The following ZRANB3 variants were observed in gnomAD, a reference collection of about 807,000 sequenced individuals.
ZRANB3 encodes the protein zinc finger RANBP2-type containing 3.
ZRANB3 carries 125 observed loss-of-function variants against 133.8 expected under a neutral mutation model. That is an observed-to-expected ratio of 0.93 (90% CI 0.81 to 1.08). The LOEUF is 1.08. Ranked by LOEUF, ZRANB3 falls within the 50% of genes least tolerant of loss-of-function variation. The pLI is 0.00. For synonymous variants in ZRANB3, 387 were observed against 432.7 expected (o/e 0.89, Z 1.31); for missense variants, 1,229 against 1,275.5 (o/e 0.96, Z 0.56).
chr2:135,380,694 G>A (rs1027054359), intron 3 of ZRANB3, among the ~76,000 whole-genome samples: 8 of 152,136 alleles, frequency 5.3e-5, no homozygotes, highest in African/African-American at 1.9e-4. Flanking sequence ...AGTACTAAAT[G>A]CCCTTAAGAG....
chr2:135,360,500 T>C (rs935612333), intron 3 of ZRANB3, among the ~76,000 whole-genome samples: 8 of 151,960 alleles, frequency 5.3e-5, no homozygotes, highest in Admixed American at 3.9e-4. Context: ...GGTCAGGAGA[T>C]CGAGACCATC....
intron 1 of ZRANB3, chr2:135,511,318 C>G (rs1559046940): frequency 1.1e-6 from 1 of 884,616 alleles, no homozygotes; most frequent in African/African-American, 1.6e-5. Context: ...TCTTGGATTT[C>G]AGATACACAT....
At chr2:135,407,846 C>T (rs559770198) in intron 2 of ZRANB3, among the ~76,000 whole-genome samples, 2,176 of 104,930 alleles carry the variant, frequency 0.021, 176 homozygotes, top group African/African-American at 0.086. Flanking sequence ...AGACTTACCA[C>T]GTTAGACCTA....
chr2:135,209,659 G>C (rs553228722), intron 17 of ZRANB3, among the ~76,000 whole-genome samples: 33 of 152,248 alleles, frequency 2.2e-4, no homozygotes, highest in South Asian at 1.7e-3. Flanking sequence ...GGTGATGGGG[G>C]AATTTAAGTT....
chr2:135,405,033 T>C lies in ZRANB3; in HGVS notation c.162-14213A>G, dbSNP rs191493353. Reference sequence around the variant, plus strand: ...AAAAGACACAGACTGGCAAATTGGATAAAGAGTCAAGACCCATCAGTGTGC... The same window carrying C: ...AAAAGACACAGACTGGCAAATTGGACAAAGAGTCAAGACCCATCAGTGTGC... On this transcript the variant is annotated intron_variant, in intron 2 of 20. Coordinates refer to ENST00000264159, the MANE Select transcript of ZRANB3 (RefSeq NM_032143.4). Among the ~76,000 whole-genome samples the C allele has an allele frequency of 8.2e-4, 125 of 152,136 alleles. 1 individual carries two copies. The highest frequency in any genetic ancestry group is 3.4e-3 in the Middle Eastern group (1 of 294).
chr2:135,319,812 GCTA>G (rs1374481697), intron 6 of ZRANB3, among the ~76,000 whole-genome samples: 2 of 151,956 alleles, frequency 1.3e-5, no homozygotes, highest in African/African-American at 4.8e-5. Context: ...CAAACATACC[GCTA>G]ATATAATTTC....
At chr2:135,474,954 A>G (rs1277066500) in intron 2 of ZRANB3, among the ~76,000 whole-genome samples, 1 of 152,140 alleles carries the variant, frequency 6.6e-6, no homozygotes, top group African/African-American at 2.4e-5. Context: ...ATCCAAAAAC[A>G]CACCACCCTT....
chr2:135,199,483 A>C lies in ZRANB3; in HGVS notation c.*859T>G, dbSNP rs1693529180. On this transcript the variant is annotated 3_prime_UTR_variant, in exon 21 of 21. Coordinates refer to ENST00000264159, the MANE Select transcript of ZRANB3 (RefSeq NM_032143.4). ...GGCTAATTTTTTGTATTTTTAGTAG[A>C]GATGGGGTTTCACCGTATTAGCCAG... 1 of 152,100 alleles carries C rather than the reference A, an allele frequency of 6.6e-6. No homozygotes were observed. Among genetic ancestry groups the C allele is most frequent in the African/African-American group, 2.4e-5 (1 of 41,412 alleles). 9.4% of individuals were successfully genotyped at this position (152,100 alleles called of 1,614,324 possible).
intron 8 of ZRANB3, among the ~76,000 whole-genome samples, chr2:135,289,492 G>C (rs1681573675): frequency 1.3e-5 from 2 of 152,160 alleles, no homozygotes; most frequent in South Asian, 4.1e-4. Context: ...CTGAACTTGT[G>C]ATCTACCCCC....
At chr2:135,206,098 G>T (rs189274811) in intron 19 of ZRANB3, among the ~76,000 whole-genome samples, 21 of 152,254 alleles carry the variant, frequency 1.4e-4, no homozygotes, top group Non-Finnish European at 1.9e-4. Flanking sequence ...AAATGATCCA[G>T]TATATTCAAC....
chr2:135,349,490 T>A (rs1406810775), intron 5 of ZRANB3, among the ~76,000 whole-genome samples: 1 of 152,226 alleles, frequency 6.6e-6, no homozygotes, highest in Non-Finnish European at 1.5e-5. Context: ...CATGCCTTAT[T>A]CTTTCATTCT....
chr2:135,276,343 T>C (rs144782169), intron 8 of ZRANB3, among the ~76,000 whole-genome samples: 1 of 151,710 alleles, frequency 6.6e-6, no homozygotes, highest in East Asian at 1.9e-4. Context: ...AGCTTATCTC[T>C]GGGATGGAGA....
intron 3 of ZRANB3, among the ~76,000 whole-genome samples, chr2:135,372,826 G>A (rs750312690): frequency 2.7e-5 from 4 of 149,078 alleles, no homozygotes; most frequent in African/African-American, 9.9e-5. Context: ...TGGATCACAC[G>A]GATAATCCTA....
At chr2:135,355,338 C>T in intron 3 of ZRANB3, 1 of 811,272 alleles carries the variant, frequency 1.2e-6, no homozygotes, top group Non-Finnish European at 1.5e-6. Context: ...TCCAATACAG[C>T]AGAACTTTAA....
chr2:135,278,383 T>C (rs1680939369), intron 8 of ZRANB3, among the ~76,000 whole-genome samples: 1 of 152,190 alleles, frequency 6.6e-6, no homozygotes, highest in African/African-American at 2.4e-5. Context: ...TTTTCAAATA[T>C]GCAAGGAATG....
intron 8 of ZRANB3, among the ~76,000 whole-genome samples, chr2:135,308,016 C>A (rs949964105): frequency 6.6e-6 from 1 of 152,088 alleles, no homozygotes; most frequent in African/African-American, 2.4e-5. Flanking sequence ...TTGAAGGTTT[C>A]TCAGTGTTAA....
chr2:135,385,555 G>A (rs1686930603), intron 3 of ZRANB3, among the ~76,000 whole-genome samples: 1 of 152,132 alleles, frequency 6.6e-6, no homozygotes, highest in African/African-American at 2.4e-5. Flanking sequence ...GAAAAACAAA[G>A]TTGGAAGCAT....
chr2:135,404,805 C>G (rs1387192733), intron 2 of ZRANB3, among the ~76,000 whole-genome samples: 1 of 152,126 alleles, frequency 6.6e-6, no homozygotes, highest in East Asian at 1.9e-4. Flanking sequence ...ATTCAACATT[C>G]TTAAAGAAAA....
At chr2:135,419,552 A>G (rs898560522) in intron 2 of ZRANB3, among the ~76,000 whole-genome samples, 7 of 152,118 alleles carry the variant, frequency 4.6e-5, no homozygotes, top group African/African-American at 1.7e-4. Context: ...ACAGAAAACA[A>G]GGGTTTTTAA....
Sources: gnomAD v4.1 joint callset for allele counts (sites outside exome capture counted in the v4.1 genomes callset) on GRCh38, gnomAD v4.1.1 for gene constraint, MANE v1.5 for transcripts, NCBI Gene and HGNC (gene_info 2026-07-23, HGNC 2026-07-21) for gene names.